Variants in ZNF519 observed in about 807,000 individuals in gnomAD.
ZNF519 encodes the protein zinc finger protein 519, also known as similar to Zinc finger protein 85 (Zinc finger protein HPF4) (HTF1).
In ZNF519, 7 loss-of-function variants were observed where a neutral mutation model predicts 7.4. That is an observed-to-expected ratio of 0.94 (90% confidence interval 0.54 to 1.77). The LOEUF (loss-of-function observed/expected upper bound fraction) is 1.77. ZNF519 is among the 40% of genes most tolerant of loss of function. The probability of loss-of-function intolerance (pLI) is 0.00; values close to 1 mark genes in which losing one functional copy is unlikely to be tolerated. For synonymous variants in ZNF519, 179 were observed against 203.3 expected (o/e 0.88, Z 1.02); for missense variants, 586 against 623.1 (o/e 0.94, Z 0.63).
At chr18:14,107,631 C>A (rs1354721307) in intron 2 of ZNF519, among the ~76,000 whole-genome samples, 3 of 152,092 alleles carry the variant, frequency 2.0e-5, no homozygotes, top group Admixed American at 2.0e-4. Context: ...CTCTTGGGGT[C>A]CCTTATTCCA....
chr18:14,129,310 T>C (rs1280509888), intron 1 of ZNF519, among the ~76,000 whole-genome samples: 2 of 152,142 alleles, frequency 1.3e-5, no homozygotes, highest in Non-Finnish European at 1.5e-5. Flanking sequence ...AAAGCTGTTG[T>C]GAGCACAATT....
intron 2 of ZNF519, among the ~76,000 whole-genome samples, chr18:14,119,895 A>C (rs2046262680): frequency 6.6e-6 from 1 of 152,218 alleles, no homozygotes; most frequent in Non-Finnish European, 1.5e-5. Context: ...TTATACATTA[A>C]ATACAGTAAG....
In ZNF519 at chr18:14,105,899, CA is replaced by C; in HGVS notation, c.640del (p.Cys214ValfsTer31). The C allele has an allele frequency of 6.2e-7, 1 of 1,609,184 alleles. No homozygotes were observed. Among genetic ancestry groups the C allele is most frequent in the Non-Finnish European group, 8.5e-7 (1 of 1,178,712 alleles). On this transcript the variant is annotated frameshift_variant, in exon 3 of 3. Transcript: ENST00000590202. LOFTEE classifies it low-confidence loss of function (END_TRUNC). ...TGAGAATGGGTCAGAAGTTTCACCA[CA>C]TTCATTAGAGTTGTAAGGCTTTTTT... The part of the protein sequence containing the change: ...IQKKPYNSNE[C>X]GETSDPFSKL...
At chr18:14,096,937 G>A (rs936788919), downstream of ZNF519, among the ~76,000 whole-genome samples, 7 of 152,100 alleles carry the variant, frequency 4.6e-5, no homozygotes, top group African/African-American at 1.4e-4. Context: ...TTGGCCATTT[G>A]GAAGTGAAGG....
At chr18:14,115,887 A>G (rs551023742) in intron 2 of ZNF519, among the ~76,000 whole-genome samples, 1 of 152,200 alleles carries the variant, frequency 6.6e-6, no homozygotes, top group South Asian at 2.1e-4. Flanking sequence ...GAACTGTGTC[A>G]GGGGCTAAGT....
At chr18:14,128,293 A>C (rs867175146) in intron 1 of ZNF519, among the ~76,000 whole-genome samples, 13 of 147,898 alleles carry the variant, frequency 8.8e-5, no homozygotes, top group African/African-American at 3.4e-4. Flanking sequence ...ACTCTCTCTC[A>C]AAACAAACAA....
intron 2 of ZNF519, among the ~76,000 whole-genome samples, chr18:14,115,373 A>G (rs1039200531): frequency 2.0e-5 from 3 of 152,222 alleles, no homozygotes; most frequent in Non-Finnish European, 4.4e-5. Context: ...TGATGGCTAT[A>G]CATATTTTAC....
chr18:14,093,209 C>T (rs971815619), intron 2 of ZNF519, among the ~76,000 whole-genome samples: 4 of 152,114 alleles, frequency 2.6e-5, no homozygotes, highest in Non-Finnish European at 5.9e-5. Flanking sequence ...CTAGAGACAC[C>T]GCTGCTTAAT....
At chr18:14,127,761 AT>A (rs1346486165) in intron 1 of ZNF519, among the ~76,000 whole-genome samples, 2 of 152,110 alleles carry the variant, frequency 1.3e-5, no homozygotes, top group Non-Finnish European at 2.9e-5. Context: ...CTGAAAAGTT[AT>A]TTTTGTAAAA....
At chr18:14,107,574 C>T (rs188845681) in intron 2 of ZNF519, among the ~76,000 whole-genome samples, 100 of 152,234 alleles carry the variant, frequency 6.6e-4, no homozygotes, top group African/African-American at 2.2e-3. Context: ...TTCATCTTGC[C>T]AACTTAGGTC....
At chr18:14,131,547 A>T (rs1239869838) in intron 1 of ZNF519, among the ~76,000 whole-genome samples, 2 of 152,192 alleles carry the variant, frequency 1.3e-5, no homozygotes, top group Non-Finnish European at 2.9e-5. Context: ...TTAAAGTTAA[A>T]ATAATTACAT....
chr18:14,121,574 T>A (rs1354165118), intron 2 of ZNF519, among the ~76,000 whole-genome samples: 5 of 152,166 alleles, frequency 3.3e-5, no homozygotes, highest in South Asian at 2.1e-4. Context: ...GGCTTTTTTT[T>A]AAATGAAACA....
At chr18:14,087,695 T>C (rs2046097164) in intron 2 of ZNF519, among the ~76,000 whole-genome samples, 1 of 152,222 alleles carries the variant, frequency 6.6e-6, no homozygotes, top group African/African-American at 2.4e-5. Flanking sequence ...TGTGCGTCCT[T>C]GTGTTGGATG....
Position 14,103,953 on chromosome 18 carries a change from C to T in ZNF519, c.*964G>A, listed in dbSNP as rs1598514849. On this transcript the variant is annotated 3_prime_UTR_variant, in exon 3 of 3. Transcript: ENST00000590202. ...CATTTCAAAATCCAGTTTCCTCAAT[C>T]ATCAAAATTACAGACTGCAAACATT... 2.0e-5 allele frequency: 3 copies of T among 152,246 alleles called. No individual in the cohort carries two copies. The highest frequency in any genetic ancestry group is 4.1e-4 in the South Asian group (2 of 4,826). The allele number at this position is 152,246 out of a possible 1,614,324, so 9.4% of individuals were successfully genotyped here. A position where few individuals can be genotyped will look rare whatever the true frequency, so the allele number is the denominator to read the frequency against.
chr18:14,095,017 C>T (rs981452970), downstream of ZNF519, among the ~76,000 whole-genome samples: 3 of 152,164 alleles, frequency 2.0e-5, no homozygotes, highest in African/African-American at 7.2e-5. Flanking sequence ...GATTATACAA[C>T]TTCGTCACTT....
At chr18:14,094,639 G>A (rs1397579110) in intron 2 of ZNF519, among the ~76,000 whole-genome samples, 1 of 152,166 alleles carries the variant, frequency 6.6e-6, no homozygotes, top group Non-Finnish European at 1.5e-5. Flanking sequence ...ATTTGAGCAT[G>A]GTCGATAATC....
rs1173986481 is a variant in ZNF519 at position 14,124,177 on chromosome 18, T to TAAAC, written c.130+172_130+173insGTTT. The stretch of plus-strand genomic sequence containing the variant: ...AACAAGAGCGAAACTCTGTCTCAAT[T>TAAAC]AAAAAAAAAAAAAAAAGATTTTCTT... On this transcript the variant is annotated intron_variant, in intron 2 of 2. Coordinates refer to ENST00000590202, the MANE Select transcript of ZNF519 (RefSeq NM_145287.4). 69 of 392,152 alleles carry TAAAC rather than the reference T, an allele frequency of 1.8e-4. No individual in the cohort carries two copies. In the South Asian group the frequency reaches 3.1e-3, roughly 18 times the overall value. 24.3% of individuals were successfully genotyped at this position (392,152 alleles called of 1,614,324 possible).
At chr18:14,090,924 A>T (rs141458233) in intron 2 of ZNF519, 25 of 152,352 alleles carry the variant, frequency 1.6e-4, no homozygotes, top group African/African-American at 6.0e-4. Flanking sequence ...TGTTAACTAT[A>T]TAAGTAAATA....
At chr18:14,128,841 T>G (rs1242967278) in intron 1 of ZNF519, among the ~76,000 whole-genome samples, 2 of 152,222 alleles carry the variant, frequency 1.3e-5, no homozygotes, top group African/African-American at 2.4e-5. Context: ...TTCCCTCATT[T>G]TAAAGAGAAA....
Sources: allele counts gnomAD v4.1 joint callset (sites outside exome capture counted in the v4.1 genomes callset), GRCh38; gene constraint gnomAD v4.1.1; transcripts MANE v1.5; gene names NCBI Gene and HGNC (gene_info 2026-07-23, HGNC 2026-07-21).